PCM1: variants seen among roughly 807,000 people sequenced by gnomAD.
PCM1 encodes pericentriolar material 1 protein.
Under a neutral mutation model 241.9 loss-of-function variants are expected in PCM1, and 157 were observed. The observed-to-expected ratio is 0.65, with a 90% CI of 0.57 to 0.74. The LOEUF (loss-of-function observed/expected upper bound fraction) is 0.74. PCM1 is among the 30% of genes least tolerant of loss of function. The pLI, the probability that PCM1 is intolerant of heterozygous loss-of-function variation, is 0.00. For missense variants in PCM1, 3,478 were observed against 2,360.1 expected, an observed-to-expected ratio of 1.47 and a Z score of -9.81; for synonymous variants, 1,085 against 784.9, an observed-to-expected ratio of 1.38 and a Z score of -6.39.
Position 17,956,636 on chromosome 8 carries a change from A to C in PCM1, c.1505A>C (p.Glu502Ala), listed in dbSNP as rs1346249182. The change falls in exon 11 of 39, where the codon GAG becomes GCG. Residue 502 changes from glutamate (E) to alanine (A), a missense_variant. Transcript: ENST00000325083. ...KLNEVRKRLN[E>A]LRELVHYYEQ... ...AATGAAGTTCGAAAGAGATTGAATG[A>C]GCTAAGAGAATTAGTTCATTATTAT... 5 of 1,600,340 alleles carry C rather than the reference A, an allele frequency of 3.1e-6. No homozygotes were observed. The South Asian group carries it at 4.5e-5, about 14-fold the overall frequency.
chr8:17,992,076 A>T (rs1416901735), intron 28 of PCM1, among the ~76,000 whole-genome samples: 1 of 151,668 alleles, frequency 6.6e-6, no homozygotes, highest in Non-Finnish European at 1.5e-5. Context: ...GTGTATAAAT[A>T]AATAAACAAA....
intron 23 of PCM1, among the ~76,000 whole-genome samples, chr8:17,978,386 G>A (rs78337862): frequency 0.035 from 5,360 of 152,160 alleles, 134 homozygotes; most frequent in Non-Finnish European, 0.055. Context: ...AGCCAGGAGA[G>A]AAGTGAGGGA....
At chr8:18,005,584 C>T (rs756267398) in intron 29 of PCM1, among the ~76,000 whole-genome samples, 1 of 152,004 alleles carries the variant, frequency 6.6e-6, no homozygotes, top group South Asian at 2.1e-4. Context: ...ATGGACTCAA[C>T]CTCAGAAAGT....
Position 18,009,728 on chromosome 8 carries a change from A to G in PCM1, c.5144A>G (p.Gln1715Arg). 1 of 1,452,990 alleles carries G rather than the reference A, an allele frequency of 6.9e-7. No individual in the cohort carries two copies. Among genetic ancestry groups the G allele is most frequent in the African/African-American group, 1.4e-5 (1 of 70,452 alleles). 90.0% of individuals were successfully genotyped at this position (1,452,990 alleles called of 1,614,324 possible). Residue 1715 changes from glutamine (Q) to arginine (R), a missense_variant, in exon 31 of 39, where the codon CAA becomes CGA. Transcript: ENST00000325083. Reference protein sequence around the residue: ...KRKIEATGVIQSCAKEAKRIL... With the variant: ...KRKIEATGVIRSCAKEAKRIL... ...AAAATAGAAGCAACTGGAGTGATAC[A>G]ATCTTGTGCCAAAGAGGTAAATAAC...
chr8:17,960,123 C>T lies in PCM1; in HGVS notation c.2150C>T (p.Ala717Val), dbSNP rs1188205711. The change falls in exon 14 of 39, where the codon GCC (alanine) becomes GTC (valine). Residue 717 changes from alanine (A) to valine (V), a missense_variant. By Grantham distance (64) the Ala-to-Val change is moderately conservative. Coordinates refer to ENST00000325083, the MANE Select transcript of PCM1 (RefSeq NM_006197.4). ...AATTCAAATAACACTAGAGGAAATG[C>T]CAATAAAACACAGAAAGATACTGGA... ...KQNSNNTRGN[A>V]NKTQKDTGVN... The T allele has an allele frequency of 1.3e-6, 2 of 1,594,978 alleles. No individual in the cohort carries two copies. Among genetic ancestry groups the T allele is most frequent in the East Asian group, 4.5e-5 (2 of 44,398 alleles).
In PCM1 at chr8:17,953,053, T is replaced by C; in HGVS notation, c.1155T>C (p.Ala385=). ...TTTCCCAGAGCAGGAAACCATCAGCTTCAGAACGTTTACCTGATGAGAAAG... is the reference window on the plus strand; with the variant it reads ...TTTCCCAGAGCAGGAAACCATCAGCCTCAGAACGTTTACCTGATGAGAAAG... ...REVSQSRKPS[A]SERLPDEKVE... is the part of the protein sequence containing the mutation. The change falls in exon 9 of 39, where the codon GCT becomes GCC. Residue 385 remains alanine, a synonymous_variant. Transcript: ENST00000325083. 1 of 1,607,238 alleles carries C rather than the reference T, an allele frequency of 6.2e-7. No individual in the cohort carries two copies.
intron 24 of PCM1, chr8:17,983,118 A>C (rs3850748): frequency 5.4e-6 from 2 of 372,664 alleles, no homozygotes; most frequent in Admixed American, 9.1e-5. Flanking sequence ...TCAGGCAAAC[A>C]ATTTTAAAGA....
Position 17,967,154 on chromosome 8 carries a change from T to C in PCM1, c.3396T>C (p.Phe1132=). The C allele has an allele frequency of 6.3e-7, 1 of 1,592,738 alleles. No individual in the cohort carries two copies. The highest frequency in any genetic ancestry group is 8.6e-7 in the Non-Finnish European group (1 of 1,168,220). ...NLFNIPGFTN[F]SSFAPGMNFS... ...TCAATATACCTGGATTTACTAACTT[T>C]TCATCATTTGCACCAGGTAGGTGAC... The change falls in exon 21 of 39, where the codon TTT becomes TTC. Residue 1132 remains phenylalanine (F), a synonymous_variant. Coordinates refer to ENST00000325083, the MANE Select transcript of PCM1 (RefSeq NM_006197.4).
chr8:18,010,190 CT>C (rs1368038212), intron 31 of PCM1, among the ~76,000 whole-genome samples: 1 of 152,158 alleles, frequency 6.6e-6, no homozygotes, highest in Non-Finnish European at 1.5e-5. Context: ...TTTGTTCTGC[CT>C]TGTCAAATTA....
chr8:17,960,020 G>A lies in PCM1; in HGVS notation c.2047G>A (p.Asp683Asn). The A allele has an allele frequency of 6.2e-7, 1 of 1,612,366 alleles. No homozygotes were observed. Among genetic ancestry groups the A allele is most frequent in the East Asian group, 2.2e-5 (1 of 44,808 alleles). Residue 683 changes from aspartate (D) to asparagine (N), a missense_variant, in exon 14 of 39, where the codon GAT becomes AAT. Asp to Asn is a conservative substitution (Grantham distance 23). Coordinates refer to ENST00000325083, the MANE Select transcript of PCM1 (RefSeq NM_006197.4). The part of the protein sequence containing the change: ...QDLVAMVQDD[D>N]AAQGVISASA... ...TGTAATGATGCTCTTTCAGGATGAT[G>A]ATGCAGCTCAAGGAGTTATCTCTGC... is the stretch of plus-strand genomic sequence containing the variant.
Position 18,009,642 on chromosome 8 carries a change from C to A in PCM1, c.5058C>A (p.Phe1686Leu), listed in dbSNP as rs2092143445. 2.5e-6 allele frequency: 4 copies of A among 1,589,122 alleles called. No homozygotes were observed. The East Asian group carries it at 9.0e-5, about 36-fold the overall frequency. Residue 1686 changes from phenylalanine to leucine, a missense_variant, in exon 31 of 39, where the codon TTC becomes TTA. Coordinates refer to ENST00000325083, the MANE Select transcript of PCM1 (RefSeq NM_006197.4). ...ISEVLFNELA[F>L]FKLMQDLDNN... The stretch of plus-strand genomic sequence containing the variant: ...AAGTGTTGTTCAATGAATTGGCTTT[C>A]TTTAAGCTTATGCAAGATTTGGATA...
chr8:18,020,675 A>AACTC, intron 36 of PCM1, among the ~76,000 whole-genome samples: 1 of 152,364 alleles, frequency 6.6e-6, no homozygotes, highest in South Asian at 2.1e-4. Context: ...ATGCTGTAAC[A>AACTC]ACTCAGTATG....
intron 36 of PCM1, among the ~76,000 whole-genome samples, chr8:18,017,016 A>T (rs1400331351): frequency 6.6e-6 from 1 of 152,186 alleles, no homozygotes; most frequent in African/African-American, 2.4e-5. Flanking sequence ...GTCAGTTTCT[A>T]CGCATGATAT....
intron 24 of PCM1, among the ~76,000 whole-genome samples, chr8:17,983,928 A>G (rs1444476494): frequency 1.3e-5 from 2 of 152,176 alleles, no homozygotes; most frequent in Admixed American, 6.5e-5. Flanking sequence ...AAAGCTGAAT[A>G]TATCAGTGGC....
chr8:17,944,636 G>C (rs1370645316), intron 6 of PCM1, among the ~76,000 whole-genome samples: 18 of 151,990 alleles, frequency 1.2e-4, no homozygotes, highest in Admixed American at 1.1e-3. Flanking sequence ...TATACACCTA[G>C]CATCCTTTTT....
intron 22 of PCM1, among the ~76,000 whole-genome samples, chr8:17,970,582 A>C (rs534811560): frequency 6.6e-6 from 1 of 152,124 alleles, no homozygotes; most frequent in South Asian, 2.1e-4. Context: ...ATGTTGCTCT[A>C]TAAAGGTATT....
At position 17,980,700 on chromosome 8, in the gene PCM1, T is replaced by G. The variant is rs368148861; in HGVS notation, c.4053T>G (p.Asn1351Lys). The G allele has an allele frequency of 6.2e-7, 1 of 1,612,852 alleles. No homozygotes were observed. Among genetic ancestry groups the G allele is most frequent in the Non-Finnish European group, 8.5e-7 (1 of 1,179,384 alleles). ...AAGCAAAAGTATTCAGCAGAAAGAA[T>G]CATGAGCAACTGGAAAAAATAATAA... ...PVQAKVFSRKNHEQLEKIIKC... is the reference protein window; with the variant it reads ...PVQAKVFSRKKHEQLEKIIKC... Residue 1351 changes from asparagine (N) to lysine (K), a missense_variant, in exon 24 of 39, where the codon AAT (asparagine) becomes AAG (lysine). Transcript: ENST00000325083.
At chr8:17,935,925 T>G (rs2060282865) in intron 3 of PCM1, among the ~76,000 whole-genome samples, 1 of 152,164 alleles carries the variant, frequency 6.6e-6, no homozygotes, top group Non-Finnish European at 1.5e-5. Flanking sequence ...GTAAAAGTGT[T>G]TTTTTTATGG....
rs756700686 is a variant in PCM1 at position 18,025,559 on chromosome 8, A to G, written c.5950A>G (p.Lys1984Glu). 1.9e-6 allele frequency: 3 copies of G among 1,579,296 alleles called. No homozygotes were observed. Among genetic ancestry groups the G allele is most frequent in the Non-Finnish European group, 2.6e-6 (3 of 1,160,756 alleles). Residue 1984 changes from lysine to glutamate, a missense_variant, in exon 38 of 39, where the codon AAA (lysine) becomes GAA (glutamate). Lys to Glu is a moderately conservative substitution (Grantham distance 56). Coordinates refer to ENST00000325083, the MANE Select transcript of PCM1 (RefSeq NM_006197.4). ...CATTCCAAAGGCAGATCTAAGAAAG[A>G]AAATGGTAGAAGAAGAACAGAAAAA... ...TIYSEADLRK[K>E]MVEEEQKNHL...
Sources: gnomAD v4.1 joint callset for allele counts (sites outside exome capture counted in the v4.1 genomes callset) on GRCh38, gnomAD v4.1.1 for gene constraint, MANE v1.5 for transcripts, NCBI Gene and HGNC (gene_info 2026-07-23, HGNC 2026-07-21) for gene names.